Variants in GALNTL6 observed in about 807,000 individuals in gnomAD.
GALNTL6 encodes the protein polypeptide N-acetylgalactosaminyltransferase like 6, also known as polypeptide N-acetylgalactosaminyltransferase-like 6.
GALNTL6 carries 46 observed loss-of-function variants against 73.7 expected under a neutral mutation model. The ratio of observed to expected loss-of-function variants is 0.62; its 90% CI spans 0.49 to 0.80. The LOEUF (loss-of-function observed/expected upper bound fraction) is 0.80. Ranked by LOEUF, GALNTL6 falls within the 30% of genes least tolerant of loss-of-function variation. The pLI is 0.00. For missense variants in GALNTL6, 604 were observed against 755.0 expected (o/e 0.80, Z 2.34); for synonymous variants, 259 against 263.7 (o/e 0.98, Z 0.17).
At chr4:172,857,096 G>A (rs1744158540) in intron 7 of GALNTL6, among the ~76,000 whole-genome samples, 1 of 152,140 alleles carries the variant, frequency 6.6e-6, no homozygotes, top group Admixed American at 6.5e-5. Context: ...GCTTTATGTG[G>A]CCGAGACAGG....
At chr4:171,975,853 TC>T (rs1739704983) in intron 2 of GALNTL6, among the ~76,000 whole-genome samples, 1 of 152,304 alleles carries the variant, frequency 6.6e-6, no homozygotes, top group Admixed American at 6.5e-5. Flanking sequence ...AATTTTGAAT[TC>T]TTTGGAGACT....
intron 2 of GALNTL6, among the ~76,000 whole-genome samples, chr4:171,835,195 C>A (rs1324224329): frequency 4.6e-5 from 7 of 151,916 alleles, no homozygotes; most frequent in African/African-American, 1.7e-4. Context: ...TTTATTTCTG[C>A]AAGAAAAGAA....
chr4:172,157,776 T>C (rs891326242), intron 2 of GALNTL6, among the ~76,000 whole-genome samples: 10 of 152,014 alleles, frequency 6.6e-5, no homozygotes, highest in Non-Finnish European at 1.0e-4. Context: ...AAAAATTTTC[T>C]AAATCTAGTT....
intron 2 of GALNTL6, among the ~76,000 whole-genome samples, chr4:172,084,415 G>A (rs1265543763): frequency 2.6e-5 from 4 of 152,106 alleles, no homozygotes; most frequent in African/African-American, 4.8e-5. Context: ...ACAAGAAAAC[G>A]ATGACCATAT....
intron 5 of GALNTL6, among the ~76,000 whole-genome samples, chr4:172,502,611 T>C (rs1318343486): frequency 1.3e-5 from 2 of 152,200 alleles, no homozygotes; most frequent in Non-Finnish European, 2.9e-5. Flanking sequence ...AAACTGTGTA[T>C]ATTAAAGAAT....
intron 2 of GALNTL6, among the ~76,000 whole-genome samples, chr4:172,224,686 A>G (rs1347950285): frequency 6.6e-6 from 1 of 151,978 alleles, no homozygotes; most frequent in Non-Finnish European, 1.5e-5. Context: ...AGAGCCCATC[A>G]CTCCTTAGAG....
intron 2 of GALNTL6, among the ~76,000 whole-genome samples, chr4:172,166,821 T>A (rs1029201060): frequency 6.6e-6 from 1 of 152,236 alleles, no homozygotes; most frequent in Non-Finnish European, 1.5e-5. Flanking sequence ...TACATTTGAA[T>A]AGAAATAAGG....
chr4:172,004,298 G>T (rs1214736722), intron 2 of GALNTL6, among the ~76,000 whole-genome samples: 1 of 152,150 alleles, frequency 6.6e-6, no homozygotes, highest in African/African-American at 2.4e-5. Context: ...TTCAGAAAGA[G>T]TGACAATGGA....
At chr4:172,376,957 G>A (rs1001869859) in intron 5 of GALNTL6, among the ~76,000 whole-genome samples, 4 of 152,096 alleles carry the variant, frequency 2.6e-5, no homozygotes, top group Admixed American at 6.5e-5. Context: ...GGAGACCTTC[G>A]TGGTGAGTGT....
At chr4:172,772,619 T>A (rs1180579639) in intron 5 of GALNTL6, among the ~76,000 whole-genome samples, 1 of 152,192 alleles carries the variant, frequency 6.6e-6, no homozygotes, top group African/African-American at 2.4e-5. Context: ...GCATAAATGC[T>A]CCAACTTGGT....
intron 2 of GALNTL6, among the ~76,000 whole-genome samples, chr4:171,888,010 G>T (rs1309154646): frequency 2.1e-5 from 3 of 141,092 alleles, no homozygotes; most frequent in African/African-American, 7.6e-5. Flanking sequence ...TGAATGTTTA[G>T]TCTTTTTGTT....
intron 2 of GALNTL6, chr4:171,815,381 T>C (rs1160440100): frequency 6.6e-6 from 1 of 152,492 alleles, no homozygotes; most frequent in Non-Finnish European, 1.5e-5. Context: ...ACTAAAGATA[T>C]GTAGTATAAT....
At chr4:172,864,638 T>C (rs1454055295) in intron 7 of GALNTL6, among the ~76,000 whole-genome samples, 1 of 152,208 alleles carries the variant, frequency 6.6e-6, no homozygotes, top group Admixed American at 6.5e-5. Context: ...TAGGGCTGCT[T>C]AAGATAAAAT....
intron 5 of GALNTL6, among the ~76,000 whole-genome samples, chr4:172,702,368 C>T (rs1161567033): frequency 6.6e-6 from 1 of 151,992 alleles, no homozygotes; most frequent in African/African-American, 2.4e-5. Context: ...CATTCCATCT[C>T]ATCCTATTTT....
At chr4:172,348,787 C>A in intron 5 of GALNTL6, 98 bp downstream of exon 5, 9 of 718,288 alleles carry the variant, frequency 1.3e-5, no homozygotes, top group Non-Finnish European at 1.7e-5. Flanking sequence ...TTTCTGATTC[C>A]ATCTGAAAGG....
At chr4:172,539,901 AT>A (rs1561128683) in intron 5 of GALNTL6, among the ~76,000 whole-genome samples, 17 of 138,618 alleles carry the variant, frequency 1.2e-4, no homozygotes, top group South Asian at 4.4e-4. Context: ...ATATATATAT[AT>A]ATATAAAAAA....
intron 2 of GALNTL6, among the ~76,000 whole-genome samples, chr4:171,887,386 G>A (rs1310171678): frequency 6.6e-6 from 1 of 152,190 alleles, no homozygotes; most frequent in Non-Finnish European, 1.5e-5. Context: ...TTTAGGTGGT[G>A]AAGGGACATG....
At chr4:172,018,207 G>A (rs1386077583) in intron 2 of GALNTL6, among the ~76,000 whole-genome samples, 1 of 152,092 alleles carries the variant, frequency 6.6e-6, no homozygotes, top group African/African-American at 2.4e-5. Context: ...TGGGATACAA[G>A]CTTGCCTTAC....
chr4:171,814,505 A>G lies in GALNTL6; in HGVS notation c.-76A>G. On this transcript the variant is annotated 5_prime_UTR_variant, in exon 2 of 13. Coordinates refer to ENST00000506823, the MANE Select transcript of GALNTL6 (RefSeq NM_001034845.3). ...TTCTGGTGCTTCGCAGGGGAGAGGA[A>G]AGGAATTTGACATTAAACACAAGAA... is the stretch of plus-strand genomic sequence containing the variant. The G allele has an allele frequency of 6.6e-7, 1 of 1,516,424 alleles. No homozygotes were observed. Among genetic ancestry groups the G allele is most frequent in the Non-Finnish European group, 9.1e-7 (1 of 1,101,614 alleles). 93.9% of individuals were successfully genotyped at this position (1,516,424 alleles called of 1,614,324 possible).
Sources: allele counts gnomAD v4.1 joint callset (sites outside exome capture counted in the v4.1 genomes callset), GRCh38; gene constraint gnomAD v4.1.1; transcripts MANE v1.5; gene names NCBI Gene and HGNC (gene_info 2026-07-23, HGNC 2026-07-21).